Variants in KCTD8 observed in about 807,000 individuals in gnomAD.
The protein encoded by KCTD8 is potassium channel tetramerization domain containing 8, also known as BTB/POZ domain-containing protein KCTD8.
KCTD8 carries 27 observed loss-of-function variants against 31.5 expected under a neutral mutation model. That is an observed-to-expected ratio of 0.86 (90% CI 0.63 to 1.18). The LOEUF is 1.18. Ranked by LOEUF, KCTD8 falls within the 50% of genes most tolerant of loss-of-function variation. KCTD8 has a pLI of 0.00. For missense variants in KCTD8, 658 were observed against 647.7 expected, an observed-to-expected ratio of 1.02 and a Z score of -0.17; for synonymous variants, 290 against 280.0, an observed-to-expected ratio of 1.04 and a Z score of -0.36.
chr4:44,314,554 G>A (rs1718052891), intron 1 of KCTD8, among the ~76,000 whole-genome samples: 2 of 152,024 alleles, frequency 1.3e-5, no homozygotes, highest in Admixed American at 1.3e-4. Context: ...AATGAATAAT[G>A]TTTCCTCTGC....
At chr4:44,439,703 G>A (rs370289374) in intron 1 of KCTD8, among the ~76,000 whole-genome samples, 2 of 151,988 alleles carry the variant, frequency 1.3e-5, no homozygotes, top group Non-Finnish European at 2.9e-5. Flanking sequence ...AGTATTATCA[G>A]ATACTTCCTA....
rs549461435 is a variant in KCTD8, at chr4:44,288,228, T to C, written c.962-112978A>G. Among the ~76,000 whole-genome samples the C allele has an allele frequency of 7.9e-5, 12 of 152,230 alleles. No homozygotes were observed. The East Asian group carries it at 2.3e-3, about 29-fold the overall frequency. Reference sequence around the variant, plus strand: ...ATTAGAAGAAGTTGAGAAATGGCTGTAGAGTTCTAATGTGAAGGTATAAAT... The same window carrying C: ...ATTAGAAGAAGTTGAGAAATGGCTGCAGAGTTCTAATGTGAAGGTATAAAT... On this transcript the variant is annotated intron_variant, in intron 1 of 1. Transcript: ENST00000360029.
At chr4:44,309,636 T>A (rs1463520368) in intron 1 of KCTD8, among the ~76,000 whole-genome samples, 1 of 152,130 alleles carries the variant, frequency 6.6e-6, no homozygotes, top group Admixed American at 6.6e-5. Flanking sequence ...AAAAGGTGTA[T>A]GAACATAAAA....
intron 1 of KCTD8, among the ~76,000 whole-genome samples, chr4:44,226,395 T>C (rs1714963143): frequency 6.6e-6 from 1 of 152,226 alleles, no homozygotes; most frequent in South Asian, 2.1e-4. Flanking sequence ...GGCTGCATAG[T>C]ATTCCATGTT....
At chr4:44,200,378 T>C (rs968435783) in intron 1 of KCTD8, among the ~76,000 whole-genome samples, 1 of 151,510 alleles carries the variant, frequency 6.6e-6, no homozygotes, top group Admixed American at 6.6e-5. Flanking sequence ...AGGCCAATAT[T>C]CCTGATAAAC....
At chr4:44,250,221 C>T (rs1025898951) in intron 1 of KCTD8, among the ~76,000 whole-genome samples, 1 of 151,656 alleles carries the variant, frequency 6.6e-6, no homozygotes, top group Non-Finnish European at 1.5e-5. Flanking sequence ...TGCCAAATTG[C>T]TTTTCAAATC....
At chr4:44,279,896 T>A (rs557824067) in intron 1 of KCTD8, among the ~76,000 whole-genome samples, 1 of 152,252 alleles carries the variant, frequency 6.6e-6, no homozygotes, top group South Asian at 2.1e-4. Context: ...AATGCAACTT[T>A]TCTATTTTGA....
At chr4:44,321,372 C>T (rs997853016) in intron 1 of KCTD8, among the ~76,000 whole-genome samples, 1 of 152,172 alleles carries the variant, frequency 6.6e-6, no homozygotes, top group African/African-American at 2.4e-5. Context: ...TTAAGACTTA[C>T]TGTGTCACTT....
chr4:44,254,592 C>T (rs1207425436), intron 1 of KCTD8, among the ~76,000 whole-genome samples: 2 of 151,288 alleles, frequency 1.3e-5, no homozygotes, highest in Non-Finnish European at 1.5e-5. Flanking sequence ...ACTTCTGTAG[C>T]CCTCAATTCT....
intron 1 of KCTD8, among the ~76,000 whole-genome samples, chr4:44,412,913 AC>A (rs1426277394): frequency 6.6e-6 from 1 of 152,140 alleles, no homozygotes; most frequent in Non-Finnish European, 1.5e-5. Flanking sequence ...AATAAAACAG[AC>A]ATTTTTCTCT....
At chr4:44,285,477 C>G (rs56090631) in intron 1 of KCTD8, among the ~76,000 whole-genome samples, 35,094 of 150,950 alleles carry the variant, frequency 0.23, 4,793 homozygotes, top group Non-Finnish European at 0.31. Flanking sequence ...TGTAGGGGGT[C>G]GGGGTGTAGG....
In KCTD8 at chr4:44,362,066, G is replaced by A. The variant is rs564100382; in HGVS notation, c.961+85497C>T. ...GATTGGTAGCATTTCAACAAATGAT[G>A]AAGGTAGAGGAGATAAAAAATTCCA... On this transcript the variant is annotated intron_variant, in intron 1 of 1. Transcript: ENST00000360029. 9.2e-5 allele frequency among the ~76,000 whole-genome samples: 14 copies of A among 152,234 alleles called. No homozygotes were observed. The South Asian group carries it at 2.9e-3, about 32-fold the overall frequency.
chr4:44,371,491 T>C (rs1226347926), intron 1 of KCTD8, among the ~76,000 whole-genome samples: 1 of 152,188 alleles, frequency 6.6e-6, no homozygotes, highest in East Asian at 1.9e-4. Context: ...CAATAAGTGG[T>C]AGACGGATGA....
intron 1 of KCTD8, among the ~76,000 whole-genome samples, chr4:44,249,618 G>A (rs1178349661): frequency 6.6e-6 from 1 of 151,826 alleles, no homozygotes; most frequent in Admixed American, 6.6e-5. Flanking sequence ...TGGCAAGGAA[G>A]ATTGGGTTCA....
intron 1 of KCTD8, among the ~76,000 whole-genome samples, chr4:44,284,990 G>T (rs1358134308): frequency 6.6e-6 from 1 of 152,152 alleles, no homozygotes; most frequent in African/African-American, 2.4e-5. Flanking sequence ...TGCAGAGGTT[G>T]TGGAAAAATA....
intron 1 of KCTD8, among the ~76,000 whole-genome samples, chr4:44,270,033 G>A (rs138268774): frequency 0.086 from 13,063 of 151,852 alleles, 1,076 homozygotes; most frequent in African/African-American, 0.22. Flanking sequence ...CAGCCATCCC[G>A]TTACTGGGTA....
chr4:44,263,922 C>A (rs1192908847), intron 1 of KCTD8, among the ~76,000 whole-genome samples: 1 of 152,128 alleles, frequency 6.6e-6, no homozygotes, highest in Non-Finnish European at 1.5e-5. Flanking sequence ...ATTTATTTTC[C>A]TTGCCAGGAA....
intron 1 of KCTD8, among the ~76,000 whole-genome samples, chr4:44,181,569 G>A (rs532027542): frequency 6.6e-6 from 1 of 152,324 alleles, no homozygotes; most frequent in Admixed American, 6.5e-5. Context: ...CCAGGCTGGA[G>A]TGCAGTGGCG....
intron 1 of KCTD8, among the ~76,000 whole-genome samples, chr4:44,389,145 G>C (rs1720303236): frequency 6.6e-6 from 1 of 151,666 alleles, no homozygotes; most frequent in East Asian, 1.9e-4. Flanking sequence ...TGAGGATGTT[G>C]TAAGGAGGTA....
Sources: allele counts gnomAD v4.1 joint callset (sites outside exome capture counted in the v4.1 genomes callset), GRCh38; gene constraint gnomAD v4.1.1; transcripts MANE v1.5; gene names NCBI Gene and HGNC (gene_info 2026-07-23, HGNC 2026-07-21).